Variants in PRKCB observed in about 807,000 individuals in gnomAD.
The protein encoded by PRKCB is protein kinase C beta, also known as protein kinase C beta type.
Under a neutral mutation model 81.5 loss-of-function variants are expected in PRKCB, and 13 were observed. The observed-to-expected ratio is 0.16, with a 90% CI of 0.10 to 0.25. The LOEUF (loss-of-function observed/expected upper bound fraction) is 0.25. Ranked by LOEUF, PRKCB falls within the 10% of genes least tolerant of loss-of-function variation. PRKCB has a pLI of 1.00. For synonymous variants in PRKCB, 335 were observed against 321.4 expected (o/e 1.04, Z -0.45); for missense variants, 509 against 875.7 (o/e 0.58, Z 5.29).
At chr16:24,172,117 C>T (rs1967450116) in intron 10 of PRKCB, 153 bp from the exon 11 acceptor site, 2 of 639,714 alleles carry the variant, frequency 3.1e-6, no homozygotes, top group Non-Finnish European at 5.7e-6. Flanking sequence ...GTGACACAAA[C>T]CTTACCCTTG....
intron 15 of PRKCB, among the ~76,000 whole-genome samples, chr16:24,186,543 G>T (rs564240359): frequency 6.6e-6 from 1 of 152,206 alleles, no homozygotes; most frequent in Non-Finnish European, 1.5e-5. Context: ...GAACATGGCC[G>T]TGCCTTAATC....
At chr16:24,160,505 C>T (rs1967238084) in intron 10 of PRKCB, among the ~76,000 whole-genome samples, 1 of 151,876 alleles carries the variant, frequency 6.6e-6, no homozygotes, top group Non-Finnish European at 1.5e-5. Context: ...GGCATTACTG[C>T]CTGTATACAG....
chr16:23,933,454 T>C (rs2141758669), intron 2 of PRKCB, among the ~76,000 whole-genome samples: 3 of 152,326 alleles, frequency 2.0e-5, no homozygotes, highest in South Asian at 4.1e-4. Flanking sequence ...AGATTCTTAA[T>C]TGATACAGTT....
intron 5 of PRKCB, among the ~76,000 whole-genome samples, chr16:24,090,041 C>G (rs144294351): frequency 1.1e-3 from 162 of 152,278 alleles, no homozygotes; most frequent in Middle Eastern, 3.4e-3. Context: ...TCTTATAGCC[C>G]TGTGTCCATG....
intron 2 of PRKCB, among the ~76,000 whole-genome samples, chr16:23,905,036 T>C (rs1413759641): frequency 8.1e-6 from 1 of 123,940 alleles, no homozygotes; most frequent in South Asian, 2.5e-4. Context: ...TTGGTCCTTT[T>C]TTTTTCTTTT....
intron 3 of PRKCB, among the ~76,000 whole-genome samples, chr16:24,027,308 G>A (rs1400582900): frequency 6.6e-6 from 1 of 152,200 alleles, no homozygotes; most frequent in Non-Finnish European, 1.5e-5. Flanking sequence ...CAACTTTAAG[G>A]TGAATGTCCA....
chr16:23,887,041 TG>T (rs1258729467), intron 2 of PRKCB, among the ~76,000 whole-genome samples: 1 of 152,192 alleles, frequency 6.6e-6, no homozygotes, highest in Admixed American at 6.5e-5. Context: ...GGGCATTGCA[TG>T]AGTTTTCTTT....
intron 2 of PRKCB, among the ~76,000 whole-genome samples, chr16:23,897,354 G>T (rs558290438): frequency 1.1e-4 from 17 of 152,336 alleles, no homozygotes; most frequent in African/African-American, 3.8e-4. Flanking sequence ...TGTTTCCTGT[G>T]GGTTTGCAAG....
At chr16:23,921,986 G>C (rs916444342) in intron 2 of PRKCB, among the ~76,000 whole-genome samples, 3 of 152,196 alleles carry the variant, frequency 2.0e-5, no homozygotes, top group South Asian at 2.1e-4. Context: ...AGCAGGCAGG[G>C]GAACAGTAAG....
chr16:24,022,664 T>C (rs1965420828), intron 3 of PRKCB, among the ~76,000 whole-genome samples: 1 of 152,064 alleles, frequency 6.6e-6, no homozygotes, highest in Non-Finnish European at 1.5e-5. Context: ...GCTAATTCTT[T>C]TTGTATTTTT....
At chr16:23,882,379 C>A (rs1287726078) in intron 2 of PRKCB, among the ~76,000 whole-genome samples, 2 of 151,834 alleles carry the variant, frequency 1.3e-5, no homozygotes, top group African/African-American at 2.4e-5. Context: ...CTACCATGCC[C>A]AGTTAATTTT....
In PRKCB at chr16:24,073,988, G is replaced by A. The variant is rs1246598704; in HGVS notation, c.530-18803G>A. Among the ~76,000 whole-genome samples, 9 of 152,210 alleles carry A rather than the reference G, an allele frequency of 5.9e-5. 1 individual carries two copies. In the East Asian group the frequency reaches 1.4e-3, roughly 23 times the overall value. On this transcript the variant is annotated intron_variant, in intron 5 of 16. Transcript: ENST00000643927. ...AAACCCCGATACAAAAATATTAGCC[G>A]GGCGTGGTTGGTGGCGGGCGCCTGT...
intron 9 of PRKCB, among the ~76,000 whole-genome samples, chr16:24,134,964 G>GAA (rs71154281): frequency 1.3e-5 from 2 of 149,298 alleles, no homozygotes; most frequent in South Asian, 2.1e-4. Flanking sequence ...CTTCTTCCAT[G>GAA]AAAAAAAAAG....
In PRKCB at chr16:24,092,787, T is replaced by C. The variant is rs1331458183; in HGVS notation, c.530-4T>C. The stretch of plus-strand genomic sequence containing the variant: ...TAATGCAAAAACTGCTTTTTCTTTT[T>C]CAGTAAGAGATGCTAAAAACCTTGT... On this transcript the variant is annotated splice_polypyrimidine_tract_variant and splice_region_variant and intron_variant, in intron 5 of 16. Transcript: ENST00000643927. The C allele has an allele frequency of 6.2e-7, 1 of 1,612,092 alleles. No individual in the cohort carries two copies. Among genetic ancestry groups the C allele is most frequent in the Non-Finnish European group, 8.5e-7 (1 of 1,179,140 alleles).
chr16:23,891,300 G>C (rs991231303), intron 2 of PRKCB, among the ~76,000 whole-genome samples: 1 of 152,002 alleles, frequency 6.6e-6, no homozygotes, highest in Non-Finnish European at 1.5e-5. Flanking sequence ...CAATCCTCCT[G>C]TCTCAGCCTC....
At chr16:24,152,532 C>G (rs1485204491) in intron 9 of PRKCB, among the ~76,000 whole-genome samples, 2 of 152,166 alleles carry the variant, frequency 1.3e-5, no homozygotes, top group Non-Finnish European at 2.9e-5. Context: ...TCTCCAATTC[C>G]TCTGCTCACT....
intron 7 of PRKCB, among the ~76,000 whole-genome samples, chr16:24,100,598 G>T (rs549652519): frequency 2.6e-5 from 4 of 152,278 alleles, no homozygotes; most frequent in African/African-American, 9.6e-5. Flanking sequence ...CGTTCCAGCC[G>T]AGGAGGAGGG....
At chr16:23,923,565 A>T (rs1963856106) in intron 2 of PRKCB, among the ~76,000 whole-genome samples, 2 of 152,102 alleles carry the variant, frequency 1.3e-5, no homozygotes, top group South Asian at 4.1e-4. Flanking sequence ...CCAGAAGGAT[A>T]TTTGGTATTG....
In PRKCB at chr16:24,083,311, C is replaced by T. The variant is rs528530760; in HGVS notation, c.530-9480C>T. On this transcript the variant is annotated intron_variant, in intron 5 of 16. Coordinates refer to ENST00000643927, the MANE Select transcript of PRKCB (RefSeq NM_002738.7). The stretch of plus-strand genomic sequence containing the variant: ...AGCTTCTTATAAAGCTAAACAAACG[C>T]ATATAACTGAATGATCCCACTCCTA... Among the ~76,000 whole-genome samples, 16 of 152,252 alleles carry T rather than the reference C, an allele frequency of 1.1e-4. 1 individual carries two copies. Among genetic ancestry groups the T allele is most frequent in the Middle Eastern group, 6.8e-3 (2 of 294 alleles).
Sources: gnomAD v4.1 joint callset for allele counts (sites outside exome capture counted in the v4.1 genomes callset) on GRCh38, gnomAD v4.1.1 for gene constraint, MANE v1.5 for transcripts, NCBI Gene and HGNC (gene_info 2026-07-23, HGNC 2026-07-21) for gene names.